PCSK5: variants seen among roughly 807,000 people sequenced by gnomAD.
PCSK5 encodes the protein proprotein convertase subtilisin/kexin type 5.
Under a neutral mutation model 233.2 loss-of-function variants are expected in PCSK5, and 129 were observed. The observed-to-expected ratio is 0.55, with a 90% CI of 0.48 to 0.64. The LOEUF (loss-of-function observed/expected upper bound fraction) is 0.64. PCSK5 is among the 30% of genes least tolerant of loss of function. PCSK5 has a pLI of 0.00. For synonymous variants in PCSK5, 825 were observed against 879.2 expected, an observed-to-expected ratio of 0.94 and a Z score of 1.09; for missense variants, 2,076 against 2,430.1, an observed-to-expected ratio of 0.85 and a Z score of 3.06.
At chr9:76,249,420 G>A (rs1564134394) in intron 24 of PCSK5, among the ~76,000 whole-genome samples, 1 of 151,888 alleles carries the variant, frequency 6.6e-6, no homozygotes, top group African/African-American at 2.4e-5. Context: ...GAAAATTAGG[G>A]AATTAAAAAA....
rs969894456 is a variant in PCSK5, at chr9:75,891,382, C to T, written c.192+9C>T. The T allele has an allele frequency of 6.5e-7, 1 of 1,544,008 alleles. No individual in the cohort carries two copies. The highest frequency in any genetic ancestry group is 8.7e-7 in the Non-Finnish European group (1 of 1,151,590). On this transcript the variant is annotated intron_variant, in intron 1 of 37. Coordinates refer to ENST00000674117, the MANE Select transcript of PCSK5 (RefSeq NM_001372043.1). ...TCATCAACATAGGACAGGTAACGAA[C>T]TACAGGCTAGCCCAGCCCTCGGCCC...
At chr9:76,250,160 GGCGTGGTGGT>G (rs1826756280) in intron 24 of PCSK5, among the ~76,000 whole-genome samples, 1 of 152,104 alleles carries the variant, frequency 6.6e-6, no homozygotes, top group Non-Finnish European at 1.5e-5. Context: ...AAATTAGCTG[GGCGTGGTGGT>G]GCGTGCTTGT....
chr9:76,048,660 G>A (rs1216276220), intron 5 of PCSK5, among the ~76,000 whole-genome samples: 1 of 152,074 alleles, frequency 6.6e-6, no homozygotes, highest in Non-Finnish European at 1.5e-5. Flanking sequence ...CCTATAAGGT[G>A]GGGATAAAAA....
intron 22 of PCSK5, among the ~76,000 whole-genome samples, chr9:76,234,307 C>T (rs1236289704): frequency 6.6e-6 from 1 of 151,958 alleles, no homozygotes; most frequent in Non-Finnish European, 1.5e-5. Context: ...AAAGATCTGC[C>T]AACACTGGAC....
At chr9:76,258,408 G>A (rs979187703) in intron 24 of PCSK5, among the ~76,000 whole-genome samples, 1 of 152,206 alleles carries the variant, frequency 6.6e-6, no homozygotes, top group Admixed American at 6.5e-5. Flanking sequence ...GAGAAGGAAA[G>A]TTCTTTTGAA....
At chr9:76,017,394 C>T (rs543688186) in intron 3 of PCSK5, among the ~76,000 whole-genome samples, 1 of 152,268 alleles carries the variant, frequency 6.6e-6, no homozygotes, top group South Asian at 2.1e-4. Context: ...TATAAGAAGG[C>T]TTTGCCCCTA....
At position 76,027,013 on chromosome 9, in the gene PCSK5, G is replaced by A. The variant is rs767736304; in HGVS notation, c.608G>A (p.Arg203His). ...VNGNDLDPMP[R>H]YDASNENKHG... ...GGGAATGACTTGGACCCAATGCCTC[G>A]TTATGATGCAAGCAACGAGAACAAG... Residue 203 changes from arginine to histidine, a missense_variant, in exon 5 of 38, where the codon CGT (arginine) becomes CAT (histidine). By Grantham distance (29) the Arg-to-His change is conservative. Coordinates refer to ENST00000674117, the MANE Select transcript of PCSK5 (RefSeq NM_001372043.1). 2.5e-6 allele frequency: 4 copies of A among 1,609,024 alleles called. No individual in the cohort carries two copies. Among genetic ancestry groups the A allele is most frequent in the African/African-American group, 2.7e-5 (2 of 74,856 alleles).
intron 24 of PCSK5, among the ~76,000 whole-genome samples, chr9:76,290,068 C>A (rs1828231192): frequency 6.6e-6 from 1 of 152,102 alleles, no homozygotes; most frequent in Non-Finnish European, 1.5e-5. Flanking sequence ...CCAGCCCTTG[C>A]CAAATTAGCA....
intron 3 of PCSK5, among the ~76,000 whole-genome samples, chr9:76,011,598 A>G (rs1290717670): frequency 6.6e-6 from 1 of 152,220 alleles, no homozygotes; most frequent in East Asian, 1.9e-4. Flanking sequence ...TATCATAGCA[A>G]TAGCAAATTA....
rs147147881 is a variant in PCSK5 at position 76,254,799 on chromosome 9, A to G, written c.3142+14115A>G. 4.6e-5 allele frequency among the ~76,000 whole-genome samples: 7 copies of G among 152,326 alleles called. No homozygotes were observed. In the East Asian group the frequency reaches 1.3e-3, roughly 29 times the overall value. ...TTCCTGAGCATCTACATCAGGCTAG[A>G]CATGGGGATATAAAGATGAATAAAG... On this transcript the variant is annotated intron_variant, in intron 24 of 37. Transcript: ENST00000674117.
chr9:76,021,122 G>A (rs905512647), intron 3 of PCSK5, among the ~76,000 whole-genome samples: 3 of 152,152 alleles, frequency 2.0e-5, no homozygotes, highest in Non-Finnish European at 4.4e-5. Flanking sequence ...ACACATAGTG[G>A]AAATAAAGTT....
intron 1 of PCSK5, among the ~76,000 whole-genome samples, chr9:75,894,183 T>C (rs1354911808): frequency 6.6e-6 from 1 of 152,220 alleles, no homozygotes; most frequent in Non-Finnish European, 1.5e-5. Flanking sequence ...TTTACTATCC[T>C]GGTAGTATTT....
At chr9:75,903,611 T>C (rs867356880) in intron 1 of PCSK5, among the ~76,000 whole-genome samples, 2 of 139,826 alleles carry the variant, frequency 1.4e-5, no homozygotes, top group Non-Finnish European at 3.1e-5. Context: ...TATATATATA[T>C]TATATATATA....
At chr9:76,346,441 G>A (rs77740711) in intron 35 of PCSK5, among the ~76,000 whole-genome samples, 3,509 of 152,158 alleles carry the variant, frequency 0.023, 115 homozygotes, top group African/African-American at 0.081. Flanking sequence ...GGAGTTAGTG[G>A]GTAAATCCTG....
At chr9:76,325,225 G>C (rs1302210742) in intron 32 of PCSK5, among the ~76,000 whole-genome samples, 1 of 152,184 alleles carries the variant, frequency 6.6e-6, no homozygotes, top group Non-Finnish European at 1.5e-5. Context: ...CAGGCCTCCA[G>C]CGCCATCTTG....
chr9:75,957,357 G>A (rs74338801), intron 2 of PCSK5, among the ~76,000 whole-genome samples: 3 of 152,248 alleles, frequency 2.0e-5, no homozygotes, highest in Non-Finnish European at 2.9e-5. Context: ...GAAAAAGATC[G>A]TAACATTCTT....
rs185585436 is a variant in PCSK5 at position 76,232,445 on chromosome 9, C to T, written c.2730-1015C>T. On this transcript the variant is annotated intron_variant, in intron 21 of 37. Transcript: ENST00000674117. ...TTACATAGGAATCATTTAGCGAATT[C>T]CACAGTAATCCAGACTGTCACTGAG... Among the ~76,000 whole-genome samples the T allele has an allele frequency of 7.4e-3, 1,124 of 152,262 alleles. 4 individuals carry two copies. Among genetic ancestry groups the T allele is most frequent in the Non-Finnish European group, 0.011 (762 of 68,020 alleles).
intron 30 of PCSK5, among the ~76,000 whole-genome samples, chr9:76,320,619 G>A (rs1425117765): frequency 4.7e-5 from 7 of 149,996 alleles, no homozygotes; most frequent in East Asian, 2.0e-4. Flanking sequence ...GACTACAGGC[G>A]CAAGCCATCA....
At chr9:76,114,090 T>A (rs544037617) in intron 9 of PCSK5, among the ~76,000 whole-genome samples, 1 of 151,918 alleles carries the variant, frequency 6.6e-6, no homozygotes, top group East Asian at 1.9e-4. Flanking sequence ...TGTATTGGAG[T>A]GTTGTATGTT....
Sources: gnomAD v4.1 joint callset for allele counts (sites outside exome capture counted in the v4.1 genomes callset) on GRCh38, gnomAD v4.1.1 for gene constraint, MANE v1.5 for transcripts, NCBI Gene and HGNC (gene_info 2026-07-23, HGNC 2026-07-21) for gene names.